DLEU7: variants seen among roughly 807,000 people sequenced by gnomAD.
The protein encoded by DLEU7 is deleted in lymphocytic leukemia 7.
Under a neutral mutation model 16.0 loss-of-function variants are expected in DLEU7, and 17 were observed. That is an observed-to-expected ratio of 1.06 (90% CI 0.73 to 1.59). DLEU7 has a LOEUF of 1.59. Among genes scored for constraint, DLEU7 ranks in the 40% most tolerant of loss-of-function variants. DLEU7 has a pLI of 0.00. For synonymous variants in DLEU7, 113 were observed against 139.8 expected (o/e 0.81, Z 1.35); for missense variants, 308 against 314.9 (o/e 0.98, Z 0.17).
intron 1 of DLEU7, among the ~76,000 whole-genome samples, chr13:50,733,835 G>T (rs1440129896): frequency 6.6e-6 from 1 of 152,130 alleles, no homozygotes; most frequent in East Asian, 1.9e-4. Flanking sequence ...AACAAACCTA[G>T]GATAGACTCA....
intron 1 of DLEU7, among the ~76,000 whole-genome samples, chr13:50,777,664 T>A (rs1433997507): frequency 6.6e-6 from 1 of 152,210 alleles, no homozygotes; most frequent in African/African-American, 2.4e-5. Context: ...GAATTTCTTC[T>A]TTTGGGAAGC....
intron 1 of DLEU7, among the ~76,000 whole-genome samples, chr13:50,816,820 C>G (rs1212132019): frequency 6.6e-6 from 1 of 152,074 alleles, no homozygotes; most frequent in Non-Finnish European, 1.5e-5. Flanking sequence ...CCACTGCTTT[C>G]TTCATGTTTG....
chr13:50,769,975 G>T (rs1875246114), intron 1 of DLEU7, among the ~76,000 whole-genome samples: 1 of 152,092 alleles, frequency 6.6e-6, no homozygotes, highest in Admixed American at 6.5e-5. Flanking sequence ...GCAGTGGTTT[G>T]TAGTCCTTCA....
At chr13:50,746,933 T>C (rs145850529) in intron 1 of DLEU7, among the ~76,000 whole-genome samples, 83 of 149,644 alleles carry the variant, frequency 5.5e-4, no homozygotes, top group African/African-American at 2.0e-3. Flanking sequence ...GTAATTATTA[T>C]AAGCATCTGC....
chr13:50,772,367 T>C (rs1406811423), intron 1 of DLEU7, among the ~76,000 whole-genome samples: 2 of 152,218 alleles, frequency 1.3e-5, no homozygotes, highest in Non-Finnish European at 2.9e-5. Context: ...GCCTCGATGG[T>C]CTTCACAATT....
At chr13:50,822,615 T>C (rs1876948626), downstream of DLEU7, 1 of 982,502 alleles carries the variant, frequency 1.0e-6, no homozygotes, top group Non-Finnish European at 1.2e-6. Context: ...TTAGAAACAG[T>C]AAAAGCTAGA....
intron 1 of DLEU7, among the ~76,000 whole-genome samples, chr13:50,751,287 A>G (rs1424532510): frequency 6.6e-6 from 1 of 152,106 alleles, no homozygotes; most frequent in Non-Finnish European, 1.5e-5. Context: ...AACCCACTTG[A>G]TCGTGGTGGA....
At chr13:50,731,258 G>A (rs1311338634) in intron 1 of DLEU7, among the ~76,000 whole-genome samples, 1 of 152,118 alleles carries the variant, frequency 6.6e-6, no homozygotes, top group Non-Finnish European at 1.5e-5. Context: ...ATAAATCTGT[G>A]CTTTCATTGC....
At chr13:50,815,936 C>G (rs1876721328) in intron 1 of DLEU7, among the ~76,000 whole-genome samples, 1 of 152,024 alleles carries the variant, frequency 6.6e-6, no homozygotes, top group South Asian at 2.1e-4. Context: ...GGGGGGGCTG[C>G]AGAAAAGTAC....
intron 1 of DLEU7, among the ~76,000 whole-genome samples, chr13:50,725,072 A>G (rs1193656906): frequency 1.4e-5 from 2 of 145,344 alleles, no homozygotes; most frequent in Non-Finnish European, 3.0e-5. Context: ...TATGTAAGCC[A>G]AAGTTAGTTG....
intron 1 of DLEU7, among the ~76,000 whole-genome samples, chr13:50,766,541 G>C (rs189113504): frequency 1.5e-4 from 23 of 151,628 alleles, no homozygotes; most frequent in African/African-American, 4.6e-4. Flanking sequence ...ACCAAACTTC[G>C]GGAATCTCTC....
At chr13:50,829,320 G>A (rs1375261048) in intron 1 of DLEU7, among the ~76,000 whole-genome samples, 1 of 152,136 alleles carries the variant, frequency 6.6e-6, no homozygotes, top group Non-Finnish European at 1.5e-5. Context: ...AAAATTGTCC[G>A]ATTGCTTTAT....
intron 1 of DLEU7, among the ~76,000 whole-genome samples, chr13:50,766,711 T>C (rs1875123252): frequency 6.6e-6 from 1 of 152,108 alleles, no homozygotes. Flanking sequence ...GCACAGCCAG[T>C]TTAAACTCAG....
rs549037489 is a variant in DLEU7, at chr13:50,726,407, C to T, written c.460-13167G>A. 6.6e-6 allele frequency among the ~76,000 whole-genome samples: 1 copy of T among 152,272 alleles called. No individual in the cohort carries two copies. Among genetic ancestry groups the T allele is most frequent in the South Asian group, 2.1e-4 (1 of 4,822 alleles). On this transcript the variant is annotated intron_variant, in intron 1 of 1. Coordinates refer to the DLEU7 transcript ENST00000400393. The surrounding 1 kb of genome is among the most constrained non-coding windows in gnomAD (Gnocchi z 4.0). The stretch of plus-strand genomic sequence containing the variant: ...GAACCAGCCTGCAACAGCCACCTGA[C>T]TTTCCCGCCTCCTCCTTTCACGGAA...
chr13:50,801,799 T>C (rs1181562002), intron 1 of DLEU7, among the ~76,000 whole-genome samples: 2 of 152,182 alleles, frequency 1.3e-5, no homozygotes, highest in Non-Finnish European at 2.9e-5. Context: ...GAGAAATCTA[T>C]GTCAATCTGT....
At chr13:50,764,862 AC>A (rs1875052764) in intron 1 of DLEU7, among the ~76,000 whole-genome samples, 1 of 145,106 alleles carries the variant, frequency 6.9e-6, no homozygotes, top group Non-Finnish European at 1.5e-5. Flanking sequence ...GTCATGTTGC[AC>A]CTTTTTTGGG....
At chr13:50,742,101 ATTAC>A (rs886926510) in intron 1 of DLEU7, among the ~76,000 whole-genome samples, 3 of 152,136 alleles carry the variant, frequency 2.0e-5, no homozygotes, top group Non-Finnish European at 1.5e-5. Flanking sequence ...TTTTTCTAAT[ATTAC>A]TTAAAATTGC....
At chr13:50,729,777 TTGA>T (rs1307752606) in intron 1 of DLEU7, among the ~76,000 whole-genome samples, 1 of 152,164 alleles carries the variant, frequency 6.6e-6, no homozygotes, top group Non-Finnish European at 1.5e-5. Context: ...TTGCATTTCT[TTGA>T]TGATTAGTGA....
intron 1 of DLEU7, among the ~76,000 whole-genome samples, chr13:50,745,899 T>C (rs1213106179): frequency 6.6e-6 from 1 of 152,184 alleles, no homozygotes; most frequent in Non-Finnish European, 1.5e-5. Context: ...AGTTTAACTG[T>C]AGTCATAGCA....
Sources: gnomAD v4.1 joint callset for allele counts (sites outside exome capture counted in the v4.1 genomes callset) on GRCh38, gnomAD v4.1.1 for gene constraint, Gnocchi (gnomAD v3.1) non-coding constraint, MANE v1.5 for transcripts, NCBI Gene and HGNC (gene_info 2026-07-23, HGNC 2026-07-21) for gene names.